SGCG: variants seen among roughly 807,000 people sequenced by gnomAD.
SGCG encodes gamma-sarcoglycan.
Under a neutral mutation model 29.3 loss-of-function variants are expected in SGCG, and 26 were observed. The observed-to-expected ratio is 0.89, with a 90% confidence interval of 0.65 to 1.23. SGCG has a LOEUF of 1.23. Among genes scored for constraint, SGCG ranks in the 50% most tolerant of loss-of-function variants. The pLI is 0.00. For missense variants in SGCG, 353 were observed against 356.0 expected, an observed-to-expected ratio of 0.99 and a Z score of 0.07; for synonymous variants, 145 against 129.7, an observed-to-expected ratio of 1.12 and a Z score of -0.80.
At chr13:23,239,585 A>G (rs964752015) in intron 3 of SGCG, among the ~76,000 whole-genome samples, 6 of 152,212 alleles carry the variant, frequency 3.9e-5, no homozygotes, top group African/African-American at 1.4e-4. Context: ...ACAAAAAATA[A>G]TTTTAAAAAA....
At chr13:23,244,478 T>C (rs1879623954) in intron 3 of SGCG, 1 of 152,198 alleles carries the variant, frequency 6.6e-6, no homozygotes, top group Admixed American at 6.5e-5. Flanking sequence ...GTATATCATG[T>C]CCTGGACATA....
At chr13:23,198,875 G>A (rs1303221626) in intron 1 of SGCG, among the ~76,000 whole-genome samples, 5 of 140,658 alleles carry the variant, frequency 3.6e-5, no homozygotes, top group South Asian at 2.3e-4. Flanking sequence ...TTGGGAGGCC[G>A]AGGCAGGCGG....
At chr13:23,200,536 G>T (rs1450577743) in intron 1 of SGCG, among the ~76,000 whole-genome samples, 2 of 152,120 alleles carry the variant, frequency 1.3e-5, no homozygotes, top group African/African-American at 4.8e-5. Flanking sequence ...CTGCTCTAGG[G>T]GCCGAGGGTA....
chr13:23,212,187 A>G (rs558051318), intron 2 of SGCG, among the ~76,000 whole-genome samples: 1 of 152,294 alleles, frequency 6.6e-6, no homozygotes, highest in African/African-American at 2.4e-5. Flanking sequence ...CTGTAGAACC[A>G]TGAGCCAGTT....
chr13:23,169,419 G>A, the SGCG span, among the ~76,000 whole-genome samples: 21 of 150,804 alleles, frequency 1.4e-4, no homozygotes, highest in Non-Finnish European at 2.7e-4. Flanking sequence ...GGTGGCTCAC[G>A]CCTGTAATCC....
intron 2 of SGCG, among the ~76,000 whole-genome samples, chr13:23,232,471 T>C (rs1413415007): frequency 6.6e-6 from 1 of 152,216 alleles, no homozygotes; most frequent in South Asian, 2.1e-4. Flanking sequence ...TTTTAAATAA[T>C]GCTTTCTATT....
intron 4 of SGCG, among the ~76,000 whole-genome samples, chr13:23,255,487 A>G (rs927056082): frequency 2.6e-5 from 4 of 152,200 alleles, no homozygotes; most frequent in African/African-American, 4.8e-5. Context: ...GTATTTTACA[A>G]TGTGAGAAGA....
chr13:23,299,292 T>C (rs1593097858), intron 6 of SGCG, among the ~76,000 whole-genome samples: 2 of 60,164 alleles, frequency 3.3e-5, no homozygotes, highest in African/African-American at 5.6e-5. Context: ...TGGTCATATC[T>C]TCTTCTTCTG....
intron 3 of SGCG, among the ~76,000 whole-genome samples, chr13:23,248,619 G>A (rs544984367): frequency 1.3e-4 from 20 of 151,122 alleles, no homozygotes; most frequent in Middle Eastern, 3.4e-3. Context: ...GCGGGAACCC[G>A]GGAGGCGGAG....
At chr13:23,216,377 T>C (rs1878428355) in intron 2 of SGCG, among the ~76,000 whole-genome samples, 1 of 152,126 alleles carries the variant, frequency 6.6e-6, no homozygotes, top group Non-Finnish European at 1.5e-5. Flanking sequence ...AAAGTGTAAA[T>C]ATGAAAGATA....
rs1566037383 is a variant in SGCG at position 23,299,431 on chromosome 13, TATATATATATATA to T, written c.578+3945_578+3957del. ...GCATATATATATATATATATATATA[TATATATATATATA>T]TATATATATATATTTTTTTTTTTTT... is the stretch of plus-strand genomic sequence containing the variant. On this transcript the variant is annotated intron_variant, in intron 6 of 7. Transcript: ENST00000218867. 2.5e-3 allele frequency among the ~76,000 whole-genome samples: 39 copies of T among 15,798 alleles called. 1 individual carries two copies. Among genetic ancestry groups the T allele is most frequent in the East Asian group, 6.4e-3 (4 of 624 alleles). 10.4% of individuals were successfully genotyped at this position (15,798 alleles called of 152,430 possible).
At chr13:23,310,575 T>C (rs540121636) in intron 6 of SGCG, among the ~76,000 whole-genome samples, 1 of 152,340 alleles carries the variant, frequency 6.6e-6, no homozygotes, top group Non-Finnish European at 1.5e-5. Flanking sequence ...TTTGAGATTT[T>C]CTTTTAATGG....
At chr13:23,190,261 A>C (rs1279782598) in intron 1 of SGCG, among the ~76,000 whole-genome samples, 2 of 152,138 alleles carry the variant, frequency 1.3e-5, no homozygotes, top group South Asian at 2.1e-4. Flanking sequence ...GGCATTATAG[A>C]GTTCTTCTGA....
At chr13:23,322,441 G>A (rs1883070184) in intron 7 of SGCG, among the ~76,000 whole-genome samples, 1 of 152,116 alleles carries the variant, frequency 6.6e-6, no homozygotes, top group Non-Finnish European at 1.5e-5. Context: ...AAAGGGCCTC[G>A]ATCCCCCATA....
At chr13:23,189,723 T>A (rs1219305112) in intron 1 of SGCG, among the ~76,000 whole-genome samples, 7 of 152,164 alleles carry the variant, frequency 4.6e-5, no homozygotes, top group Admixed American at 4.6e-4. Context: ...GCAAATAGTA[T>A]GAGAAGATAG....
At chr13:23,304,701 T>G (rs1377497747) in intron 6 of SGCG, among the ~76,000 whole-genome samples, 1 of 152,128 alleles carries the variant, frequency 6.6e-6, no homozygotes, top group Non-Finnish European at 1.5e-5. Flanking sequence ...CCTCCTGGGT[T>G]CAAGCGATTC....
At chr13:23,280,101 C>T (rs17315649) in intron 5 of SGCG, among the ~76,000 whole-genome samples, 31,127 of 152,016 alleles carry the variant, frequency 0.2, 3,359 homozygotes, top group Non-Finnish European at 0.24. Context: ...AGTTCAAGTA[C>T]CTGTTTCCCA....
At position 23,194,600 on chromosome 13, in the gene SGCG, G is replaced by A. The variant is rs75258388; in HGVS notation, c.1-9095G>A. Among the ~76,000 whole-genome samples, 465 of 152,250 alleles carry A rather than the reference G, an allele frequency of 3.1e-3. 3 individuals carry two copies. Among genetic ancestry groups the A allele is most frequent in the African/African-American group, 0.011 (447 of 41,528 alleles). On this transcript the variant is annotated intron_variant, in intron 1 of 7. Transcript: ENST00000218867. Reference sequence around the variant, plus strand: ...GGTCCATTAACTTCTGATAGCAGAGGCCAGCTTCTCTCTTGGAGCATTCAT... The same window carrying A: ...GGTCCATTAACTTCTGATAGCAGAGACCAGCTTCTCTCTTGGAGCATTCAT...
intron 6 of SGCG, among the ~76,000 whole-genome samples, chr13:23,319,063 G>A (rs567810): frequency 0.17 from 25,510 of 152,130 alleles, 2,724 homozygotes; most frequent in African/African-American, 0.3. Flanking sequence ...ACTTTGGGAG[G>A]CCAAGGCGGG....
Sources: gnomAD v4.1 joint callset for allele counts (sites outside exome capture counted in the v4.1 genomes callset) on GRCh38, gnomAD v4.1.1 for gene constraint, MANE v1.5 for transcripts, NCBI Gene and HGNC (gene_info 2026-07-23, HGNC 2026-07-21) for gene names.